EEIG1: variants seen among roughly 807,000 people sequenced by gnomAD.
The protein encoded by EEIG1 is early estrogen-induced gene 1 protein.
At chr9:127,943,186 T>C in the EEIG1 span, 320 of 1,614,058 alleles carry the variant, frequency 2.0e-4, 1 homozygote, top group East Asian at 6.2e-3. Flanking sequence ...CCCGGACACC[T>C]GCTCCTCAAT....
chr9:127,945,605 G>A, the EEIG1 span: 12 of 1,562,290 alleles, frequency 7.7e-6, no homozygotes, highest in African/African-American at 1.4e-5. This position sits in a 1 kb window ranked among gnomAD's most constrained non-coding sequence, Gnocchi z 6.5. Context: ...GGGGGATCCC[G>A]AGGAAGGAGG....
the EEIG1 span, among the ~76,000 whole-genome samples, chr9:127,962,731 G>A: frequency 1.3e-5 from 2 of 152,112 alleles, no homozygotes; most frequent in African/African-American, 4.8e-5. Context: ...TAAATAAGAT[G>A]TTTATTAAGA....
the EEIG1 span, among the ~76,000 whole-genome samples, chr9:127,951,666 A>AG: frequency 6.6e-6 from 1 of 151,886 alleles, no homozygotes; most frequent in East Asian, 1.9e-4. Flanking sequence ...ATACAAAAAA[A>AG]ATTAGCCGGG....
chr9:127,942,106 CG>C, the EEIG1 span: 2 of 152,692 alleles, frequency 1.3e-5, no homozygotes, highest in South Asian at 4.1e-4. Flanking sequence ...TTGCCCAGAA[CG>C]GGGGATGCTT....
At chr9:127,954,136 C>A in the EEIG1 span, among the ~76,000 whole-genome samples, 1 of 152,226 alleles carries the variant, frequency 6.6e-6, no homozygotes, top group African/African-American at 2.4e-5. Flanking sequence ...AAAAATGAGA[C>A]AAACACAAGG....
the EEIG1 span, among the ~76,000 whole-genome samples, chr9:127,948,711 C>T: frequency 6.6e-6 from 1 of 152,246 alleles, no homozygotes; most frequent in Non-Finnish European, 1.5e-5. Flanking sequence ...CCATCAGCTA[C>T]AGGCCTAGAC....
the EEIG1 span, chr9:127,950,456 C>T: frequency 6.9e-5 from 111 of 1,613,986 alleles, 1 homozygote; most frequent in Middle Eastern, 9.9e-4. Flanking sequence ...GAGTGTTCTT[C>T]GTGTCATATC....
chr9:127,948,139 C>T, the EEIG1 span: 1 of 1,613,854 alleles, frequency 6.2e-7, no homozygotes, highest in Non-Finnish European at 8.5e-7. Context: ...GCTGCTGCCC[C>T]CACTGCTGGT....
chr9:127,975,474 C>T, the EEIG1 span, among the ~76,000 whole-genome samples: 5 of 152,236 alleles, frequency 3.3e-5, no homozygotes, highest in East Asian at 9.7e-4. Context: ...CCCAGAAGGA[C>T]CCCCTCCCCG....
the EEIG1 span, among the ~76,000 whole-genome samples, chr9:127,970,457 A>G: frequency 6.6e-6 from 1 of 151,710 alleles, no homozygotes; most frequent in African/African-American, 2.4e-5. Flanking sequence ...TCTTTGCTCA[A>G]CGTTGTTTGT....
the EEIG1 span, among the ~76,000 whole-genome samples, chr9:127,964,206 A>T: frequency 6.6e-6 from 1 of 152,180 alleles, no homozygotes; most frequent in East Asian, 1.9e-4. Flanking sequence ...TACCCATCAC[A>T]TGGGGCTGTT....
chr9:127,945,566 T>A, the EEIG1 span: 1 of 1,564,004 alleles, frequency 6.4e-7, no homozygotes. The surrounding 1 kb of genome is among the most constrained non-coding windows in gnomAD (Gnocchi z 6.5). Flanking sequence ...CTGTAGCCTG[T>A]CAGGGGCGAC....
the EEIG1 span, among the ~76,000 whole-genome samples, chr9:127,965,362 T>G: frequency 1.3e-5 from 2 of 152,086 alleles, no homozygotes; most frequent in African/African-American, 4.8e-5. Context: ...TGAGAGCCAC[T>G]GCTGCAGGTC....
At chr9:127,975,330 CAA>C in the EEIG1 span, among the ~76,000 whole-genome samples, 1 of 152,208 alleles carries the variant, frequency 6.6e-6, no homozygotes, top group Non-Finnish European at 1.5e-5. Flanking sequence ...ACGCGCCCAC[CAA>C]AGACTGCCCA....
the EEIG1 span, among the ~76,000 whole-genome samples, chr9:127,952,708 CTGTT>C: frequency 6.6e-6 from 1 of 152,094 alleles, no homozygotes; most frequent in African/African-American, 2.4e-5. Flanking sequence ...AGCTGCAAAT[CTGTT>C]TATTTATTTA....
At chr9:127,943,469 G>A in the EEIG1 span, 2 of 572,884 alleles carry the variant, frequency 3.5e-6, no homozygotes, top group Non-Finnish European at 6.3e-6. Context: ...ATCTGGCTGT[G>A]CCACCCCATC....
chr9:127,970,706 C>G, the EEIG1 span, among the ~76,000 whole-genome samples: 1 of 152,186 alleles, frequency 6.6e-6, no homozygotes. Flanking sequence ...CCCACCCCTC[C>G]AGGTACAGTC....
chr9:127,964,123 G>A, the EEIG1 span, among the ~76,000 whole-genome samples: 1 of 152,172 alleles, frequency 6.6e-6, no homozygotes, highest in Non-Finnish European at 1.5e-5. Context: ...CTGGTGACGA[G>A]GAGAGGCCAC....
chr9:127,953,333 A>G, the EEIG1 span: 1 of 560,870 alleles, frequency 1.8e-6, no homozygotes, highest in South Asian at 2.3e-5. Context: ...GAGAGAGGAA[A>G]GGGGACAGAA....
Sources: allele counts gnomAD v4.1 joint callset (sites outside exome capture counted in the v4.1 genomes callset), GRCh38; gene constraint gnomAD v4.1.1; non-coding constraint Gnocchi (gnomAD v3.1); transcripts MANE v1.5; gene names NCBI Gene and HGNC (gene_info 2026-07-23, HGNC 2026-07-21).